The following NOL4 variants were observed in gnomAD, a reference collection of about 807,000 sequenced individuals.
NOL4 encodes cancer/testis antigen 125.
NOL4 carries 17 observed loss-of-function variants against 75.9 expected under a neutral mutation model. The ratio of observed to expected loss-of-function variants is 0.22; its 90% confidence interval spans 0.15 to 0.34. The LOEUF is 0.34. NOL4 is among the 10% of genes least tolerant of loss of function. The pLI, the probability that NOL4 is intolerant of heterozygous loss-of-function variation, is 1.00. For synonymous variants in NOL4, 292 were observed against 289.9 expected (o/e 1.01, Z -0.07); for missense variants, 614 against 793.5 (o/e 0.77, Z 2.72).
chr18:33,945,474 T>C (rs2068773118), intron 8 of NOL4, among the ~76,000 whole-genome samples: 1 of 151,782 alleles, frequency 6.6e-6, no homozygotes, highest in Non-Finnish European at 1.5e-5. Flanking sequence ...CAACTTTTAC[T>C]ACTCAACTTC....
intron 5 of NOL4, among the ~76,000 whole-genome samples, chr18:34,053,162 A>T (rs952033117): frequency 1.3e-5 from 2 of 152,062 alleles, no homozygotes; most frequent in African/African-American, 4.8e-5. Context: ...CAGATTGAAG[A>T]TGGTAGCAAT....
chr18:34,036,382 C>T (rs967560777), intron 5 of NOL4, among the ~76,000 whole-genome samples: 9 of 151,860 alleles, frequency 5.9e-5, no homozygotes, highest in African/African-American at 2.2e-4. Flanking sequence ...ACAACAGATG[C>T]CGAAAAAGCA....
At chr18:33,914,688 A>C (rs2066609037) in intron 9 of NOL4, among the ~76,000 whole-genome samples, 1 of 152,208 alleles carries the variant, frequency 6.6e-6, no homozygotes, top group South Asian at 2.1e-4. Flanking sequence ...GTAGTGCCAA[A>C]GGATTGATGT....
chr18:33,936,766 C>T (rs145537286), intron 9 of NOL4, among the ~76,000 whole-genome samples: 1 of 152,074 alleles, frequency 6.6e-6, no homozygotes, highest in Non-Finnish European at 1.5e-5. Flanking sequence ...GAAACCCTCA[C>T]ATTCTCCAGA....
chr18:33,970,917 A>G (rs2071004974), intron 6 of NOL4, among the ~76,000 whole-genome samples: 1 of 152,122 alleles, frequency 6.6e-6, no homozygotes, highest in African/African-American at 2.4e-5. Flanking sequence ...GCCTGCTATG[A>G]GTTTATGTCA....
intron 5 of NOL4, among the ~76,000 whole-genome samples, chr18:34,063,743 A>C (rs1321055306): frequency 1.3e-5 from 2 of 152,042 alleles, no homozygotes; most frequent in Non-Finnish European, 2.9e-5. Flanking sequence ...CAAAAATATA[A>C]ACAAACATTA....
chr18:33,922,702 AC>A (rs2067112137), intron 9 of NOL4, among the ~76,000 whole-genome samples: 1 of 152,210 alleles, frequency 6.6e-6, no homozygotes. Context: ...ATTTTGTGCT[AC>A]TGAAACTAAT....
intron 1 of NOL4, among the ~76,000 whole-genome samples, chr18:34,150,546 A>G (rs1456885916): frequency 2.0e-5 from 3 of 151,764 alleles, no homozygotes; most frequent in Non-Finnish European, 4.4e-5. Context: ...GGAAAAAAGG[A>G]GTCTAGACAC....
intron 10 of NOL4, among the ~76,000 whole-genome samples, chr18:33,867,631 C>T (rs1432119850): frequency 1.4e-5 from 2 of 144,926 alleles, no homozygotes; most frequent in Non-Finnish European, 3.0e-5. Context: ...AGTTAAGACT[C>T]TAATGTGTGT....
chr18:34,050,724 T>C (rs890227920), intron 5 of NOL4, among the ~76,000 whole-genome samples: 2 of 152,124 alleles, frequency 1.3e-5, no homozygotes, highest in African/African-American at 4.8e-5. Context: ...TCAGCAGATC[T>C]GGTAAATTAA....
intron 1 of NOL4, among the ~76,000 whole-genome samples, chr18:34,176,137 A>T (rs556374838): frequency 3.2e-4 from 49 of 152,206 alleles, no homozygotes; most frequent in Non-Finnish European, 7.1e-4. Context: ...GAAATTATTT[A>T]AAAAAATAAA....
chr18:33,922,020 T>C (rs1381189538), intron 9 of NOL4, among the ~76,000 whole-genome samples: 1 of 152,114 alleles, frequency 6.6e-6, no homozygotes, highest in African/African-American at 2.4e-5. Flanking sequence ...AACCCAATCA[T>C]ATGGGGAAGA....
At chr18:33,916,448 C>T (rs1018935942) in intron 9 of NOL4, among the ~76,000 whole-genome samples, 9 of 152,084 alleles carry the variant, frequency 5.9e-5, no homozygotes, top group Non-Finnish European at 1.3e-4. Context: ...CTGTCAAAGT[C>T]ATCTGGGAAC....
At chr18:33,980,812 T>G (rs1218092215) in intron 6 of NOL4, among the ~76,000 whole-genome samples, 1 of 151,874 alleles carries the variant, frequency 6.6e-6, no homozygotes, top group Non-Finnish European at 1.5e-5. Flanking sequence ...CAAAGCACAC[T>G]AAAAGGCCAA....
At chr18:34,185,630 A>C (rs953813292) in intron 1 of NOL4, among the ~76,000 whole-genome samples, 13 of 152,132 alleles carry the variant, frequency 8.5e-5, no homozygotes, top group African/African-American at 2.2e-4. Context: ...TACTCTTTTC[A>C]ATTGTGTTCC....
intron 5 of NOL4, among the ~76,000 whole-genome samples, chr18:34,025,420 T>C (rs1216866024): frequency 6.6e-6 from 1 of 152,166 alleles, no homozygotes; most frequent in Non-Finnish European, 1.5e-5. Flanking sequence ...CTGCCTATCA[T>C]ATAAGCATTC....
chr18:34,097,757 A>G (rs2078855943), intron 4 of NOL4, among the ~76,000 whole-genome samples: 1 of 152,164 alleles, frequency 6.6e-6, no homozygotes. Context: ...TCAGTCATTC[A>G]CTACTAGCAA....
At chr18:33,995,517 C>T (rs1215314795) in intron 6 of NOL4, among the ~76,000 whole-genome samples, 3 of 151,420 alleles carry the variant, frequency 2.0e-5, no homozygotes, top group African/African-American at 7.3e-5. Flanking sequence ...ACACAAAAAG[C>T]ATTTGACAAA....
chr18:34,163,755 G>A (rs1239900743), intron 1 of NOL4, among the ~76,000 whole-genome samples: 4 of 151,982 alleles, frequency 2.6e-5, no homozygotes, highest in African/African-American at 7.2e-5. Flanking sequence ...AAGTTCATAT[G>A]GAACCAAAAA....
Sources: allele counts gnomAD v4.1 joint callset (sites outside exome capture counted in the v4.1 genomes callset), GRCh38; gene constraint gnomAD v4.1.1; transcripts MANE v1.5; gene names NCBI Gene and HGNC (gene_info 2026-07-23, HGNC 2026-07-21).